Variants in LRRC37A observed in about 807,000 individuals in gnomAD.
LRRC37A encodes the protein leucine rich repeat containing 37A.
Under a neutral mutation model 35.4 loss-of-function variants are expected in LRRC37A, and 3 were observed. The ratio of observed to expected loss-of-function variants is 0.08; its 90% confidence interval spans 0.04 to 0.22. The LOEUF (loss-of-function observed/expected upper bound fraction) is 0.22, where lower values mean the gene tolerates loss of function less well. LRRC37A is among the 10% of genes least tolerant of loss of function. LRRC37A has a pLI of 1.00. For missense variants in LRRC37A, 67 were observed against 565.3 expected, an observed-to-expected ratio of 0.12 and a Z score of 8.94; for synonymous variants, 23 against 215.0, an observed-to-expected ratio of 0.11 and a Z score of 7.81.
chr17:46,272,724 G>A, the LRRC37A span, among the ~76,000 whole-genome samples: 21,729 of 151,942 alleles, frequency 0.14, 1,889 homozygotes, highest in Non-Finnish European at 0.22. Flanking sequence ...CCAGGAATGT[G>A]TGTTTTTCAA....
chr17:46,269,894 C>T, the LRRC37A span, among the ~76,000 whole-genome samples: 2 of 152,232 alleles, frequency 1.3e-5, no homozygotes, highest in Non-Finnish European at 2.9e-5. Context: ...TTCTCAAATT[C>T]ATTCCCCAAA....
chr17:46,265,618 A>AC, the LRRC37A span, among the ~76,000 whole-genome samples: 141,655 of 151,908 alleles, frequency 0.93, 66,861 homozygotes, highest in East Asian at 1. Flanking sequence ...GGCTGGGACC[A>AC]AGGCGTGAGC....
At chr17:46,293,465 CA>C (rs1282709582), upstream of LRRC37A, 1 of 124,970 alleles carries the variant, frequency 8.0e-6, no homozygotes, top group African/African-American at 3.0e-5. Context: ...GATATTAGCA[CA>C]ATGGTGAAAT....
At chr17:46,258,176 A>T in the LRRC37A span, among the ~76,000 whole-genome samples, 2 of 152,186 alleles carry the variant, frequency 1.3e-5, no homozygotes, top group African/African-American at 4.8e-5. Flanking sequence ...CACACAGCCC[A>T]GGTAAGAGTT....
At chr17:46,264,469 C>A in the LRRC37A span, among the ~76,000 whole-genome samples, 1 of 152,342 alleles carries the variant, frequency 6.6e-6, no homozygotes, top group East Asian at 1.9e-4. Context: ...AATCAGGTGA[C>A]AAACTCCCTG....
At chr17:46,262,382 C>A in the LRRC37A span, among the ~76,000 whole-genome samples, 1 of 110,582 alleles carries the variant, frequency 9.0e-6, no homozygotes, top group Non-Finnish European at 2.4e-5. Flanking sequence ...TCTTCTTCTT[C>A]TTTTTTAATT....
chr17:46,257,697 C>T, the LRRC37A span, among the ~76,000 whole-genome samples: 1 of 150,774 alleles, frequency 6.6e-6, no homozygotes, highest in African/African-American at 2.4e-5. Flanking sequence ...TGGTACACAC[C>T]TGTGATCCCA....
At chr17:46,264,521 C>T in the LRRC37A span, among the ~76,000 whole-genome samples, 1 of 152,230 alleles carries the variant, frequency 6.6e-6, no homozygotes, top group African/African-American at 2.4e-5. Context: ...GATAACTTGG[C>T]TTCCTGTGTG....
At position 46,306,484 on chromosome 17, in the gene LRRC37A, G is replaced by T. The variant is rs1182814881; in HGVS notation, c.2906+175G>T. ...ACAAAGAGGCCAAGAGACTTATGTAGCTTATATATGACCTCCTCTGCTTGT... is the reference window on the plus strand; with the variant it reads ...ACAAAGAGGCCAAGAGACTTATGTATCTTATATATGACCTCCTCTGCTTGT... On this transcript the variant is annotated intron_variant, in intron 5 of 13. Coordinates refer to ENST00000320254, the Ensembl canonical transcript of LRRC37A. Among the ~76,000 whole-genome samples, 3 of 75,540 alleles carry T rather than the reference G, an allele frequency of 4.0e-5. 1 individual carries two copies. In the Admixed American group the frequency reaches 4.2e-4, roughly 11 times the overall value. 49.6% of individuals were successfully genotyped at this position (75,540 alleles called of 152,430 possible). A position where few individuals can be genotyped will look rare whatever the true frequency, so the allele number is the denominator to read the frequency against.
upstream of LRRC37A, chr17:46,292,697 G>T (rs1485460365): frequency 5.1e-5 from 4 of 79,196 alleles, no homozygotes; most frequent in African/African-American, 1.3e-4. Context: ...TGGGGAGAAG[G>T]TAACTGGCCT....
At chr17:46,282,346 G>A in the LRRC37A span, among the ~76,000 whole-genome samples, 17,936 of 150,282 alleles carry the variant, frequency 0.12, no homozygotes, top group Non-Finnish European at 0.18. Context: ...TTCGTGATCC[G>A]CCCCACTCGG....
chr17:46,256,779 G>A, the LRRC37A span, among the ~76,000 whole-genome samples: 1 of 152,134 alleles, frequency 6.6e-6, no homozygotes, highest in Non-Finnish European at 1.5e-5. Context: ...GAAAAGTAGA[G>A]CAACCCAATA....
At chr17:46,292,102 A>T, upstream of LRRC37A, among the ~76,000 whole-genome samples, 1 of 142,580 alleles carries the variant, frequency 7.0e-6, no homozygotes, top group Non-Finnish European at 1.5e-5. Flanking sequence ...GAGGCTGAGG[A>T]GGGAGGATCA....
At chr17:46,269,182 C>T in the LRRC37A span, among the ~76,000 whole-genome samples, 1 of 152,138 alleles carries the variant, frequency 6.6e-6, no homozygotes, top group Non-Finnish European at 1.5e-5. Flanking sequence ...ACCTATGAAA[C>T]GTCATTTAGA....
the LRRC37A span, among the ~76,000 whole-genome samples, chr17:46,278,517 C>G: frequency 1.3e-5 from 2 of 151,768 alleles, no homozygotes; most frequent in South Asian, 4.1e-4. Context: ...CGATTTTCCA[C>G]CTCAGCCTCC....
the LRRC37A span, among the ~76,000 whole-genome samples, chr17:46,262,849 C>G: frequency 6.6e-6 from 1 of 151,446 alleles, no homozygotes; most frequent in Non-Finnish European, 1.5e-5. Flanking sequence ...TTGGACAGAG[C>G]AAAAAGCAGA....
chr17:46,274,151 A>T, the LRRC37A span, among the ~76,000 whole-genome samples: 6 of 152,232 alleles, frequency 3.9e-5, no homozygotes, highest in Admixed American at 6.5e-5. Flanking sequence ...ACAGAGGCTT[A>T]CAGATAATCA....
chr17:46,269,868 G>A, the LRRC37A span, among the ~76,000 whole-genome samples: 3 of 152,202 alleles, frequency 2.0e-5, no homozygotes, highest in Non-Finnish European at 4.4e-5. Flanking sequence ...AGCCCTAAAG[G>A]TTTGAGAAAA....
the LRRC37A span, among the ~76,000 whole-genome samples, chr17:46,256,836 G>C: frequency 4.6e-5 from 7 of 152,192 alleles, no homozygotes; most frequent in East Asian, 1.4e-3. Context: ...AAAGTATTGA[G>C]TGTCCCTATG....
Sources: gnomAD v4.1 joint callset for allele counts (sites outside exome capture counted in the v4.1 genomes callset) on GRCh38, gnomAD v4.1.1 for gene constraint, MANE v1.5 for transcripts, NCBI Gene and HGNC (gene_info 2026-07-23, HGNC 2026-07-21) for gene names.